The following VRK1 variants were observed in gnomAD, a reference collection of about 807,000 sequenced individuals.
VRK1 encodes serine/threonine-protein kinase VRK1.
A neutral mutation model predicts 57.1 loss-of-function variants in VRK1; 33 were observed. That is an observed-to-expected ratio of 0.58 (90% CI 0.44 to 0.77). VRK1 has a LOEUF of 0.77. VRK1 is among the 30% of genes least tolerant of loss of function. VRK1 has a pLI of 0.00. For synonymous variants in VRK1, 137 were observed against 147.8 expected (o/e 0.93, Z 0.53); for missense variants, 413 against 477.3 (o/e 0.87, Z 1.25).
At chr14:96,841,670 C>T (rs767390473) in intron 3 of VRK1, among the ~76,000 whole-genome samples, 1 of 151,938 alleles carries the variant, frequency 6.6e-6, no homozygotes, top group Non-Finnish European at 1.5e-5. Context: ...CCAGCCTGGC[C>T]AACATGGTGA....
chr14:96,803,862 G>T (rs901638239), intron 1 of VRK1, among the ~76,000 whole-genome samples: 2 of 152,038 alleles, frequency 1.3e-5, no homozygotes, highest in African/African-American at 4.8e-5. Flanking sequence ...TCTTTTACCC[G>T]TTTTGTGATT....
At chr14:96,820,134 ATTG>A (rs1300466101) in intron 1 of VRK1, among the ~76,000 whole-genome samples, 2 of 114,828 alleles carry the variant, frequency 1.7e-5, no homozygotes, top group Admixed American at 8.3e-5. Context: ...GTTGTTGCCG[ATTG>A]TTGTATAAAA....
intron 1 of VRK1, among the ~76,000 whole-genome samples, chr14:96,815,903 T>G (rs1402277595): frequency 1.3e-5 from 2 of 151,928 alleles, no homozygotes; most frequent in South Asian, 2.1e-4. Flanking sequence ...AAAAAAAATC[T>G]TCTTGCTCTG....
chr14:96,817,654 T>G (rs1187801910), intron 1 of VRK1, among the ~76,000 whole-genome samples: 1 of 152,182 alleles, frequency 6.6e-6, no homozygotes, highest in Non-Finnish European at 1.5e-5. Flanking sequence ...ATCAGATCTA[T>G]TGATAGATTA....
At chr14:96,838,033 G>A (rs900189505) in intron 3 of VRK1, among the ~76,000 whole-genome samples, 4 of 151,992 alleles carry the variant, frequency 2.6e-5, no homozygotes, top group Non-Finnish European at 5.9e-5. Flanking sequence ...ACTGGTATTC[G>A]GGGGTAAATG....
At chr14:96,858,522 A>G (rs1328002285) in intron 10 of VRK1, among the ~76,000 whole-genome samples, 1 of 152,172 alleles carries the variant, frequency 6.6e-6, no homozygotes, top group Non-Finnish European at 1.5e-5. Flanking sequence ...GCAGCTTGCC[A>G]ATTATGCATA....
At chr14:96,864,300 A>G (rs1027304009) in intron 11 of VRK1, among the ~76,000 whole-genome samples, 1 of 152,230 alleles carries the variant, frequency 6.6e-6, no homozygotes, top group Non-Finnish European at 1.5e-5. Flanking sequence ...CACAATACTC[A>G]TTTAAACATC....
intron 5 of VRK1, among the ~76,000 whole-genome samples, chr14:96,848,829 T>C (rs1390301351): frequency 6.6e-6 from 1 of 152,188 alleles, no homozygotes; most frequent in Admixed American, 6.5e-5. Context: ...TACAAGAGTA[T>C]ATGTAAAACA....
intron 10 of VRK1, among the ~76,000 whole-genome samples, chr14:96,857,526 A>C (rs1405771938): frequency 1.3e-5 from 2 of 152,022 alleles, no homozygotes; most frequent in Non-Finnish European, 1.5e-5. Context: ...TTGTAGTAGA[A>C]GAGTGACATG....
At chr14:96,803,635 A>G (rs1010983188) in intron 1 of VRK1, among the ~76,000 whole-genome samples, 4 of 152,218 alleles carry the variant, frequency 2.6e-5, no homozygotes, top group African/African-American at 9.6e-5. Flanking sequence ...CATTTAAGGT[A>G]TCCACTGAGG....
intron 2 of VRK1, among the ~76,000 whole-genome samples, chr14:96,837,262 A>T (rs767790263): frequency 3.3e-5 from 5 of 152,200 alleles, no homozygotes; most frequent in Non-Finnish European, 7.3e-5. Context: ...AATTATTCTG[A>T]TGGCAGTTGA....
intron 12 of VRK1, among the ~76,000 whole-genome samples, chr14:96,878,477 T>C (rs563005980): frequency 7.2e-5 from 11 of 152,338 alleles, no homozygotes; most frequent in Admixed American, 3.9e-4. Flanking sequence ...ATTTACAGTA[T>C]GGTAAGAGAT....
intron 3 of VRK1, among the ~76,000 whole-genome samples, chr14:96,840,065 C>T (rs1275598743): frequency 6.6e-6 from 1 of 151,978 alleles, no homozygotes; most frequent in East Asian, 1.9e-4. Flanking sequence ...GTTTTTTTCC[C>T]CACTGTTTCT....
At chr14:96,813,077 T>C (rs1275705840) in intron 1 of VRK1, among the ~76,000 whole-genome samples, 1 of 152,198 alleles carries the variant, frequency 6.6e-6, no homozygotes, top group Non-Finnish European at 1.5e-5. Context: ...ATATGTTAGA[T>C]TGAAGGGATA....
intron 1 of VRK1, among the ~76,000 whole-genome samples, chr14:96,799,364 A>G (rs1012638039): frequency 6.6e-6 from 1 of 152,306 alleles, no homozygotes; most frequent in Non-Finnish European, 1.5e-5. Flanking sequence ...TGAAATAATA[A>G]TAAATATATA....
chr14:96,859,633 TAATG>T (rs1050133939), intron 10 of VRK1, among the ~76,000 whole-genome samples: 2 of 152,124 alleles, frequency 1.3e-5, no homozygotes, highest in Non-Finnish European at 2.9e-5. Context: ...ATATTTGAGT[TAATG>T]AATGTGTGTA....
intron 11 of VRK1, among the ~76,000 whole-genome samples, chr14:96,866,797 A>G (rs1888604709): frequency 6.6e-6 from 1 of 152,212 alleles, no homozygotes; most frequent in Admixed American, 6.5e-5. Flanking sequence ...TTCAAAGGTT[A>G]TGCTGCAAAG....
chr14:96,859,174 A>G (rs1318096797), intron 10 of VRK1: 1 of 152,108 alleles, frequency 6.6e-6, no homozygotes, highest in African/African-American at 2.4e-5. Context: ...TTATTTTCCA[A>G]TTGCTTTTTG....
At chr14:96,859,446 C>T (rs1015723683) in intron 10 of VRK1, among the ~76,000 whole-genome samples, 1 of 152,174 alleles carries the variant, frequency 6.6e-6, no homozygotes, top group Non-Finnish European at 1.5e-5. Context: ...GGACATTTTT[C>T]TCTCCCAGGG....
Sources: gnomAD v4.1 joint callset for allele counts (sites outside exome capture counted in the v4.1 genomes callset) on GRCh38, gnomAD v4.1.1 for gene constraint, MANE v1.5 for transcripts, NCBI Gene and HGNC (gene_info 2026-07-23, HGNC 2026-07-21) for gene names.